Variants in SHANK2 observed in about 807,000 individuals in gnomAD.
SHANK2 encodes the protein SH3 and multiple ankyrin repeat domains protein 2.
In SHANK2, 43 loss-of-function variants were observed where a neutral mutation model predicts 133.7. The ratio of observed to expected loss-of-function variants is 0.32; its 90% confidence interval spans 0.25 to 0.41. The LOEUF (loss-of-function observed/expected upper bound fraction) is 0.41, where lower values mean the gene tolerates loss of function less well. SHANK2 is among the 10% of genes least tolerant of loss of function. The pLI is 1.00. For synonymous variants in SHANK2, 1,017 were observed against 952.8 expected (o/e 1.07, Z -1.24); for missense variants, 1,994 against 2,235.8 (o/e 0.89, Z 2.18).
intron 15 of SHANK2, among the ~76,000 whole-genome samples, chr11:70,694,097 T>C (rs1460924507): frequency 2.0e-5 from 3 of 152,228 alleles, no homozygotes; most frequent in African/African-American, 7.2e-5. Flanking sequence ...GGGGATTTGG[T>C]TAACGAGGAG....
chr11:70,597,429 T>C (rs1038836340), intron 17 of SHANK2, among the ~76,000 whole-genome samples: 13 of 152,014 alleles, frequency 8.6e-5, no homozygotes, highest in African/African-American at 2.4e-4. Flanking sequence ...GAAAGCCCCC[T>C]GAGAGGCGGC....
At chr11:71,086,260 A>C in intron 8 of SHANK2, among the ~76,000 whole-genome samples, 1 of 12,498 alleles carries the variant, frequency 8.0e-5, no homozygotes, top group African/African-American at 3.3e-4. Context: ...TATATATGTT[A>C]TATATTATAT....
intron 9 of SHANK2, among the ~76,000 whole-genome samples, chr11:71,071,955 G>A (rs1339705799): frequency 6.6e-6 from 1 of 152,098 alleles, no homozygotes; most frequent in Non-Finnish European, 1.5e-5. Flanking sequence ...GTTCCTCCAG[G>A]ATAAAGAGCC....
At chr11:71,151,357 T>A (rs1411378560) in intron 2 of SHANK2, among the ~76,000 whole-genome samples, 1 of 152,140 alleles carries the variant, frequency 6.6e-6, no homozygotes, top group Non-Finnish European at 1.5e-5. Context: ...GCCTGCCGGG[T>A]AGCGGGGTGC....
intron 10 of SHANK2, among the ~76,000 whole-genome samples, chr11:70,937,391 C>T (rs1555083605): frequency 6.6e-6 from 1 of 152,318 alleles, no homozygotes; most frequent in African/African-American, 2.4e-5. Context: ...ATGGAGGCTC[C>T]CCAGGACCTC....
At chr11:71,068,804 T>C (rs1040958068) in intron 9 of SHANK2, among the ~76,000 whole-genome samples, 1 of 152,124 alleles carries the variant, frequency 6.6e-6, no homozygotes, top group South Asian at 2.1e-4. Context: ...GCCATCACCA[T>C]CACCATGACC....
chr11:70,903,406 A>AAAAAAT, intron 10 of SHANK2, among the ~76,000 whole-genome samples: 1 of 140,570 alleles, frequency 7.1e-6, no homozygotes, highest in Non-Finnish European at 1.5e-5. Flanking sequence ...AAAATAAAAT[A>AAAAAAT]AAATAAAATA....
intron 14 of SHANK2, among the ~76,000 whole-genome samples, chr11:70,706,292 T>A (rs10501403): frequency 6.6e-6 from 1 of 152,084 alleles, no homozygotes; most frequent in Non-Finnish European, 1.5e-5. Flanking sequence ...CACAGCCTGG[T>A]GCATAGCGGG....
chr11:70,747,866 C>A (rs782396994), intron 14 of SHANK2, among the ~76,000 whole-genome samples: 1 of 152,152 alleles, frequency 6.6e-6, no homozygotes, highest in African/African-American at 2.4e-5. Context: ...TTTGTGTGTG[C>A]ATACATGCAC....
At chr11:71,163,367 C>T (rs1555110232) in intron 2 of SHANK2, among the ~76,000 whole-genome samples, 9 of 152,204 alleles carry the variant, frequency 5.9e-5, no homozygotes. Context: ...AGTGCAAGCC[C>T]TTGATAAATC....
At chr11:71,189,703 T>C (rs1434442954) in intron 2 of SHANK2, among the ~76,000 whole-genome samples, 1 of 152,190 alleles carries the variant, frequency 6.6e-6, no homozygotes, top group Non-Finnish European at 1.5e-5. Context: ...TGGTCCCAAC[T>C]TTACCATGAG....
chr11:71,123,933 G>A (rs1952122827), intron 3 of SHANK2, among the ~76,000 whole-genome samples: 1 of 152,050 alleles, frequency 6.6e-6, no homozygotes, highest in Non-Finnish European at 1.5e-5. Context: ...TGACCAAGAT[G>A]TGCTCTTGCC....
In SHANK2 at chr11:70,893,652, G is replaced by GT. The variant is rs1441053054; in HGVS notation, c.1174+2848dup. 3.9e-5 allele frequency among the ~76,000 whole-genome samples: 6 copies of GT among 152,176 alleles called. No homozygotes were observed. The East Asian group carries it at 9.7e-4, about 24-fold the overall frequency. On this transcript the variant is annotated intron_variant, in intron 11 of 25. Transcript: ENST00000601538. ...TTAGATGACTCAGATGAAACAAGAG[G>GT]TTTTTTTTCTTCTTCTTCTTTGTAG...
chr11:70,764,388 C>T (rs1186756660), intron 14 of SHANK2, among the ~76,000 whole-genome samples: 2 of 151,432 alleles, frequency 1.3e-5, no homozygotes, highest in Non-Finnish European at 2.9e-5. Context: ...CCCACACATC[C>T]ATCCATCCAT....
intron 14 of SHANK2, among the ~76,000 whole-genome samples, chr11:70,711,655 T>C (rs897466918): frequency 7.2e-5 from 11 of 151,934 alleles, no homozygotes; most frequent in Non-Finnish European, 1.2e-4. Flanking sequence ...CTGTTGGGTA[T>C]GGGACCCACC....
At chr11:70,910,976 A>G (rs1222820114) in intron 10 of SHANK2, 1 of 456,876 alleles carries the variant, frequency 2.2e-6, no homozygotes, top group Non-Finnish European at 4.4e-6. Context: ...CTAAGCCATG[A>G]TGATGCATCC....
intron 11 of SHANK2, among the ~76,000 whole-genome samples, chr11:70,848,464 T>C (rs941093015): frequency 6.6e-6 from 1 of 152,086 alleles, no homozygotes; most frequent in Admixed American, 6.5e-5. Context: ...GGTTCTACAG[T>C]CATGTTTGGG....
At chr11:71,057,133 G>A (rs1950930740) in intron 9 of SHANK2, among the ~76,000 whole-genome samples, 1 of 152,180 alleles carries the variant, frequency 6.6e-6, no homozygotes, top group South Asian at 2.1e-4. Flanking sequence ...TCAGGAGCTT[G>A]AGACCAGCCT....
At chr11:71,191,063 T>C (rs535982790) in intron 2 of SHANK2, among the ~76,000 whole-genome samples, 11 of 151,880 alleles carry the variant, frequency 7.2e-5, no homozygotes, top group Admixed American at 6.6e-4. Flanking sequence ...TCCAGGACTT[T>C]AGGAGGCTGA....
Sources: allele counts gnomAD v4.1 joint callset (sites outside exome capture counted in the v4.1 genomes callset), GRCh38; gene constraint gnomAD v4.1.1; transcripts MANE v1.5; gene names NCBI Gene and HGNC (gene_info 2026-07-23, HGNC 2026-07-21).